Variants in PKHD1 observed in about 807,000 individuals in gnomAD.
PKHD1 encodes the protein PKHD1 ciliary IPT domain containing fibrocystin/polyductin, also known as fibrocystin.
Under a neutral mutation model 412.0 loss-of-function variants are expected in PKHD1, and 291 were observed. The ratio of observed to expected loss-of-function variants is 0.71; its 90% confidence interval spans 0.64 to 0.78. The LOEUF (loss-of-function observed/expected upper bound fraction) is 0.78, where lower values mean the gene tolerates loss of function less well. PKHD1 is among the 30% of genes least tolerant of loss of function. The pLI, the probability that PKHD1 is intolerant of heterozygous loss-of-function variation, is 0.00. For synonymous variants in PKHD1, 1,777 were observed against 1,821.5 expected (o/e 0.98, Z 0.62); for missense variants, 4,825 against 4,950.7 (o/e 0.97, Z 0.76).
chr6:51,824,495 T>C (rs562757663), intron 52 of PKHD1, among the ~76,000 whole-genome samples: 1 of 152,174 alleles, frequency 6.6e-6, no homozygotes, highest in Non-Finnish European at 1.5e-5. Context: ...TTCACTAAGG[T>C]CTATGATTCT....
At chr6:51,903,821 A>G in intron 42 of PKHD1, 94 bp from the exon 43 acceptor site, 2 of 779,660 alleles carry the variant, frequency 2.6e-6, no homozygotes, top group Non-Finnish European at 4.3e-6. Flanking sequence ...CAGAGTTCAC[A>G]TAATGCATTT....
rs931853273 is a variant in PKHD1, at chr6:51,848,983, T to G, written c.7912-1013A>C. 1.3e-4 allele frequency among the ~76,000 whole-genome samples: 20 copies of G among 151,098 alleles called. 1 individual carries two copies. Among genetic ancestry groups the G allele is most frequent in the African/African-American group, 4.9e-4 (20 of 41,028 alleles). On this transcript the variant is annotated intron_variant, in intron 49 of 66. Coordinates refer to ENST00000371117, the MANE Select transcript of PKHD1 (RefSeq NM_138694.4). ...TACAGGTGCAGAACGTGCAGGTTTG[T>G]TACACAGGTATACGTGTGCCATGGT...
intron 49 of PKHD1, among the ~76,000 whole-genome samples, chr6:51,849,680 G>A (rs897979442): frequency 3.9e-5 from 6 of 152,040 alleles, no homozygotes; most frequent in South Asian, 2.1e-4. Flanking sequence ...TGTTGGCCGC[G>A]TAAATGTCTT....
In PKHD1 at chr6:51,831,066, AGTG is replaced by A. The variant is rs1175495997; in HGVS notation, c.8174-80_8174-78del. The A allele has an allele frequency of 3.6e-6, 4 of 1,122,980 alleles. No homozygotes were observed. The African/African-American group carries it at 6.2e-5, about 17-fold the overall frequency. 69.6% of individuals were successfully genotyped at this position (1,122,980 alleles called of 1,614,324 possible). The stretch of plus-strand genomic sequence containing the variant: ...AATTCTATCCTTATTTTAGGATGCT[AGTG>A]GTATTTTCACCTCCCAAAGAAGCTG... On this transcript the variant is annotated intron_variant, in intron 51 of 66. Transcript: ENST00000371117.
rs774669003 is a variant in PKHD1 at position 52,025,025 on chromosome 6, G to A, written c.4785C>T (p.Gly1595=). ...LHGGSLLTIE[G]TGLRGQNTTS... is the part of the protein sequence containing the mutation. ...TGGTGTTCTGTCCTCTCAGGCCTGTGCCCTCTATGGTCAAGAGGCTTCCAC... is the reference window on the plus strand; with the variant it reads ...TGGTGTTCTGTCCTCTCAGGCCTGTACCCTCTATGGTCAAGAGGCTTCCAC... The change falls in exon 32 of 67, where the codon GGC becomes GGT. Residue 1595 remains glycine (G), a synonymous_variant. Coordinates refer to ENST00000371117, the MANE Select transcript of PKHD1 (RefSeq NM_138694.4). The A allele has an allele frequency of 6.8e-6, 11 of 1,613,946 alleles. No homozygotes were observed. Among genetic ancestry groups the A allele is most frequent in the Admixed American group, 1.7e-5 (1 of 60,004 alleles).
At chr6:52,061,309 C>T (rs1245994600) in intron 14 of PKHD1, among the ~76,000 whole-genome samples, 4 of 152,024 alleles carry the variant, frequency 2.6e-5, no homozygotes, top group African/African-American at 9.7e-5. Flanking sequence ...CCACTTCAGC[C>T]TCTCAAGTAG....
In PKHD1 at chr6:51,619,232, C is replaced by G. The variant is rs768901441; in HGVS notation, c.12074G>C (p.Arg4025Thr). 1 of 1,614,278 alleles carries G rather than the reference C, an allele frequency of 6.2e-7. No individual in the cohort carries two copies. The highest frequency in any genetic ancestry group is 1.7e-4 in the Middle Eastern group (1 of 6,060). ...CCCTGGCAACTGCTGCCTCTCTTGT[C>G]TGAAGTCTGGGCATAGCAGCAGCAG... ...NQLLLLCPDF[R>T]QERQQLPGQS... The change falls in exon 67 of 67, where the codon AGA becomes ACA. Residue 4025 changes from arginine (R) to threonine (T), a missense_variant. By Grantham distance (71) the Arg-to-Thr change is moderately conservative (BLOSUM62 -1). Coordinates refer to ENST00000371117, the MANE Select transcript of PKHD1 (RefSeq NM_138694.4).
chr6:52,067,294 T>C (rs1479128436), intron 11 of PKHD1, among the ~76,000 whole-genome samples: 1 of 152,238 alleles, frequency 6.6e-6, no homozygotes, highest in Non-Finnish European at 1.5e-5. Context: ...TGGAATTTTG[T>C]ATCAGCTTTA....
At chr6:51,776,112 T>C (rs1217340875) in intron 53 of PKHD1, among the ~76,000 whole-genome samples, 191 bp from the exon 54 acceptor site, 2 of 152,000 alleles carry the variant, frequency 1.3e-5, no homozygotes, top group African/African-American at 2.4e-5. Flanking sequence ...AGGAGACTCA[T>C]GTATTATTCA....
chr6:51,874,412 T>G (rs1429080127), intron 46 of PKHD1, among the ~76,000 whole-genome samples: 1 of 152,190 alleles, frequency 6.6e-6, no homozygotes, highest in Non-Finnish European at 1.5e-5. Flanking sequence ...ATTTAAGTCA[T>G]TCGTACTGAA....
chr6:51,855,364 T>A (rs1773088572), intron 49 of PKHD1, among the ~76,000 whole-genome samples: 1 of 152,240 alleles, frequency 6.6e-6, no homozygotes, highest in Non-Finnish European at 1.5e-5. Flanking sequence ...TAGTAAGCCA[T>A]CTTGCCACAC....
In PKHD1 at chr6:51,748,521, G is replaced by A. The variant is rs1444969670; in HGVS notation, c.9095C>T (p.Ala3032Val). The part of the protein sequence containing the change: ...QSCGGGIHAA[A>V]SHGVLLNDNI... ...GTCATTTAAAAGTACTCCATGACTG[G>A]CAGCTGCATGAATGCCCCCGCCACA... The change falls in exon 58 of 67, where the codon GCC (alanine) becomes GTC (valine). Residue 3032 changes from alanine (A) to valine (V), a missense_variant. Ala to Val is a moderately conservative substitution (Grantham distance 64). Transcript: ENST00000371117. 2 of 1,613,826 alleles carry A rather than the reference G, an allele frequency of 1.2e-6. No individual in the cohort carries two copies. The highest frequency in any genetic ancestry group is 1.7e-6 in the Non-Finnish European group (2 of 1,179,900).
At position 52,033,127 on chromosome 6, in the gene PKHD1, T is replaced by C; in HGVS notation, c.3267A>G (p.Arg1089=). 1 of 1,612,046 alleles carries C rather than the reference T, an allele frequency of 6.2e-7. No homozygotes were observed. Among genetic ancestry groups the C allele is most frequent in the Non-Finnish European group, 8.5e-7 (1 of 1,178,170 alleles). The part of the protein sequence containing the change: ...DGRIVNVTVI[R]GDYSAVLPRA... Reference sequence around the variant, plus strand: ...TGGGAAGAACTGCAGAATAGTCCCCTCTGATCACAGTCACATTCACAATGC... The same window carrying C: ...TGGGAAGAACTGCAGAATAGTCCCCCCTGATCACAGTCACATTCACAATGC... Residue 1089 remains arginine, a synonymous_variant, in exon 29 of 67, where the codon AGA becomes AGG. Transcript: ENST00000371117.
intron 60 of PKHD1, among the ~76,000 whole-genome samples, chr6:51,707,840 T>G (rs1006011574): frequency 7.2e-5 from 11 of 152,210 alleles, no homozygotes; most frequent in African/African-American, 2.4e-4. Context: ...GCTTTTATTC[T>G]GTGAATTTGG....
Position 51,903,590 on chromosome 6 carries a change from A to G in PKHD1, c.6996+7T>C. ...TCTGGTCTTCCTGGTAGAGCTGAAC[A>G]TCTTACCTCTATAACATTGGTGGGA... On this transcript the variant is annotated splice_region_variant and intron_variant, in intron 43 of 66. Coordinates refer to ENST00000371117, the MANE Select transcript of PKHD1 (RefSeq NM_138694.4). 6.2e-7 allele frequency: 1 copy of G among 1,608,894 alleles called. No individual in the cohort carries two copies.
intron 36 of PKHD1, among the ~76,000 whole-genome samples, chr6:51,955,598 C>A (rs541879359): frequency 6.6e-6 from 1 of 152,136 alleles, no homozygotes; most frequent in South Asian, 2.1e-4. Context: ...AGGATGCTGG[C>A]TTCCATGAAT....
At chr6:51,912,008 T>A in intron 38 of PKHD1, 52 bp from the exon 39 acceptor site, 1 of 1,377,302 alleles carries the variant, frequency 7.3e-7, no homozygotes, top group Non-Finnish European at 1.0e-6. Context: ...CAAATCTTAC[T>A]AGGAATAATA....
Position 51,885,954 on chromosome 6 carries a change from G to A in PKHD1, c.7128C>T (p.Tyr2376=), listed in dbSNP as rs1778144240. Residue 2376 remains tyrosine, a synonymous_variant, in exon 45 of 67, where the codon TAC becomes TAT. Transcript: ENST00000371117. ...HSCTRYGLFV[Y]PKFQPPWDNV... Reference sequence around the variant, plus strand: ...TATCCCAAGGTGGCTGAAATTTAGGGTATACAAAGAGACCATACCTAAAAA... The same window carrying A: ...TATCCCAAGGTGGCTGAAATTTAGGATATACAAAGAGACCATACCTAAAAA... The A allele has an allele frequency of 2.5e-6, 4 of 1,603,422 alleles. No homozygotes were observed. The highest frequency in any genetic ancestry group is 3.4e-6 in the Non-Finnish European group (4 of 1,170,340).
At chr6:52,045,378 T>A (rs1467742884) in intron 24 of PKHD1, among the ~76,000 whole-genome samples, 2 of 152,220 alleles carry the variant, frequency 1.3e-5, no homozygotes, top group Admixed American at 6.5e-5. Context: ...CTTTTCCATT[T>A]TATATGTTTG....
Sources: gnomAD v4.1 joint callset for allele counts (sites outside exome capture counted in the v4.1 genomes callset) on GRCh38, gnomAD v4.1.1 for gene constraint, MANE v1.5 for transcripts, NCBI Gene and HGNC (gene_info 2026-07-23, HGNC 2026-07-21) for gene names.